BBS9: variants seen among roughly 807,000 people sequenced by gnomAD.
The protein encoded by BBS9 is protein PTHB1.
A neutral mutation model predicts 117.7 loss-of-function variants in BBS9; 89 were observed. The observed-to-expected ratio is 0.76, with a 90% CI of 0.64 to 0.90. The LOEUF is 0.90. Among genes scored for constraint, BBS9 ranks in the 40% least tolerant of loss-of-function variants. The pLI, the probability that BBS9 is intolerant of heterozygous loss-of-function variation, is 0.00. For synonymous variants in BBS9, 379 were observed against 370.9 expected (o/e 1.02, Z -0.25); for missense variants, 982 against 1,042.2 (o/e 0.94, Z 0.80).
intron 5 of BBS9, among the ~76,000 whole-genome samples, chr7:33,200,911 A>C (rs1030517860): frequency 6.6e-5 from 10 of 152,142 alleles, no homozygotes; most frequent in African/African-American, 2.4e-4. Flanking sequence ...ATTGGCTATC[A>C]ATTTCTATTT....
intron 20 of BBS9, among the ~76,000 whole-genome samples, chr7:33,510,821 C>T (rs1053781543): frequency 1.3e-5 from 2 of 152,164 alleles, no homozygotes; most frequent in Non-Finnish European, 2.9e-5. Flanking sequence ...CACTATCAGT[C>T]GTCAAGAGAA....
intron 19 of BBS9, among the ~76,000 whole-genome samples, chr7:33,427,962 G>T (rs1039268677): frequency 2.0e-5 from 3 of 152,102 alleles, no homozygotes; most frequent in Non-Finnish European, 4.4e-5. Flanking sequence ...CAGGTAATTA[G>T]AGCTGTGATT....
chr7:33,404,642 GT>G (rs1829590624), intron 19 of BBS9, among the ~76,000 whole-genome samples: 1 of 149,960 alleles, frequency 6.7e-6, no homozygotes, highest in African/African-American at 2.5e-5. Context: ...TTGGCTCTCT[GT>G]TTGTCTGTTG....
intron 1 of BBS9, among the ~76,000 whole-genome samples, chr7:33,137,576 G>A (rs1294408379): frequency 6.6e-6 from 1 of 152,154 alleles, no homozygotes; most frequent in East Asian, 1.9e-4. Flanking sequence ...TTTATCAAAG[G>A]AAATTAGTGG....
At chr7:33,166,998 C>G (rs1795807677) in intron 4 of BBS9, among the ~76,000 whole-genome samples, 1 of 152,196 alleles carries the variant, frequency 6.6e-6, no homozygotes, top group African/African-American at 2.4e-5. Context: ...AGAGCTGTTC[C>G]TATGTGACCA....
At chr7:33,235,446 A>G (rs1422705601) in intron 5 of BBS9, among the ~76,000 whole-genome samples, 2 of 152,152 alleles carry the variant, frequency 1.3e-5, no homozygotes, top group Non-Finnish European at 2.9e-5. Context: ...TTTCTTTTAT[A>G]AACCTTATAG....
At chr7:33,201,995 C>G (rs1441848839) in intron 5 of BBS9, among the ~76,000 whole-genome samples, 1 of 152,122 alleles carries the variant, frequency 6.6e-6, no homozygotes. Flanking sequence ...TTGTCTGCCT[C>G]CATAGTTGAG....
chr7:33,149,849 AT>A (rs372121700), intron 2 of BBS9, among the ~76,000 whole-genome samples: 22 of 152,224 alleles, frequency 1.4e-4, no homozygotes, highest in African/African-American at 4.8e-4. Context: ...GCTTGTTACC[AT>A]GTGGACTTGG....
intron 20 of BBS9, among the ~76,000 whole-genome samples, chr7:33,513,909 C>T (rs550771554): frequency 6.6e-6 from 1 of 152,306 alleles, no homozygotes; most frequent in East Asian, 1.9e-4. Flanking sequence ...GTGATATGGT[C>T]TTTCCTGAGA....
chr7:33,161,394 G>A (rs920151318), intron 4 of BBS9, among the ~76,000 whole-genome samples: 6 of 152,094 alleles, frequency 3.9e-5, no homozygotes, highest in Admixed American at 6.5e-5. Flanking sequence ...CCTTGTGATC[G>A]TTTGCTCAGA....
chr7:33,472,529 T>G (rs1029476881), intron 19 of BBS9, among the ~76,000 whole-genome samples: 18 of 152,278 alleles, frequency 1.2e-4, no homozygotes, highest in African/African-American at 3.8e-4. Flanking sequence ...TCTAATTAGA[T>G]GAGGGCATGA....
intron 4 of BBS9, among the ~76,000 whole-genome samples, chr7:33,174,292 C>T (rs554306756): frequency 6.6e-6 from 1 of 152,334 alleles, no homozygotes; most frequent in South Asian, 2.1e-4. Context: ...GGTCGCTCAG[C>T]TCTCCTGGGG....
chr7:33,355,644 CT>C (rs1393621706), intron 15 of BBS9, among the ~76,000 whole-genome samples: 5 of 151,886 alleles, frequency 3.3e-5, no homozygotes, highest in Admixed American at 1.3e-4. Flanking sequence ...CTCTACAAAT[CT>C]TAGCAACTGC....
At chr7:33,209,098 A>C (rs1158997943) in intron 5 of BBS9, among the ~76,000 whole-genome samples, 1 of 152,076 alleles carries the variant, frequency 6.6e-6, no homozygotes, top group Non-Finnish European at 1.5e-5. Context: ...CCCATCCCCC[A>C]ACTACCCTTC....
intron 3 of BBS9, among the ~76,000 whole-genome samples, chr7:33,153,999 A>G (rs992303240): frequency 6.6e-6 from 1 of 152,328 alleles, no homozygotes; most frequent in Middle Eastern, 3.4e-3. Context: ...ATCATTCTGT[A>G]TAGTAGTCCT....
At chr7:33,347,390 A>G (rs1382618695) in intron 12 of BBS9, among the ~76,000 whole-genome samples, 3 of 152,046 alleles carry the variant, frequency 2.0e-5, no homozygotes, top group South Asian at 4.1e-4. Flanking sequence ...TAGCACTTGC[A>G]TGGTGTCTTC....
chr7:33,286,077 G>A (rs566006243), intron 9 of BBS9, among the ~76,000 whole-genome samples: 32 of 152,038 alleles, frequency 2.1e-4, no homozygotes, highest in Non-Finnish European at 4.4e-4. Context: ...AGTAGTTGCA[G>A]TTAGAATGCC....
intron 21 of BBS9, among the ~76,000 whole-genome samples, chr7:33,544,972 G>C (rs1030521632): frequency 6.6e-6 from 1 of 152,014 alleles, no homozygotes; most frequent in Non-Finnish European, 1.5e-5. Context: ...TCAGGGAAGT[G>C]GGGGAAAGCC....
At chr7:33,353,328 T>C (rs932579929) in intron 15 of BBS9, among the ~76,000 whole-genome samples, 10 of 152,182 alleles carry the variant, frequency 6.6e-5, no homozygotes, top group Admixed American at 6.5e-4. Context: ...TGTGGGCATA[T>C]TCCTTGTCTT....
Sources: allele counts gnomAD v4.1 joint callset (sites outside exome capture counted in the v4.1 genomes callset), GRCh38; gene constraint gnomAD v4.1.1; transcripts MANE v1.5; gene names NCBI Gene and HGNC (gene_info 2026-07-23, HGNC 2026-07-21).